Variants in NNT observed in about 807,000 individuals in gnomAD.
NNT encodes NAD(P) transhydrogenase, mitochondrial.
Under a neutral mutation model 104.8 loss-of-function variants are expected in NNT, and 50 were observed. That is an observed-to-expected ratio of 0.48 (90% CI 0.38 to 0.60). The LOEUF is 0.60. Among genes scored for constraint, NNT ranks in the 20% least tolerant of loss-of-function variants. The pLI is 0.00. For missense variants in NNT, 1,131 were observed against 1,330.7 expected (o/e 0.85, Z 2.33); for synonymous variants, 461 against 490.4 (o/e 0.94, Z 0.79).
At chr5:43,650,141 T>A (rs1022297549) in intron 11 of NNT, among the ~76,000 whole-genome samples, 9 of 152,212 alleles carry the variant, frequency 5.9e-5, no homozygotes, top group Non-Finnish European at 1.2e-4. Flanking sequence ...CCATAAGCAA[T>A]GTTGTCTATA....
chr5:43,689,073 T>G (rs1404510389), intron 19 of NNT, among the ~76,000 whole-genome samples: 1 of 152,194 alleles, frequency 6.6e-6, no homozygotes, highest in African/African-American at 2.4e-5. Context: ...TTTGATTATG[T>G]TCATTCTTGC....
At chr5:43,679,845 C>T (rs1485350806) in intron 19 of NNT, among the ~76,000 whole-genome samples, 1 of 151,842 alleles carries the variant, frequency 6.6e-6, no homozygotes, top group Non-Finnish European at 1.5e-5. Context: ...TTCATTGCTT[C>T]ACATAATTAT....
Position 43,628,270 on chromosome 5 carries a change from G to A in NNT, c.847G>A (p.Glu283Lys), listed in dbSNP as rs1321973260. The A allele has an allele frequency of 6.2e-7, 1 of 1,613,888 alleles. No individual in the cohort carries two copies. Among genetic ancestry groups the A allele is most frequent in the Non-Finnish European group, 8.5e-7 (1 of 1,179,966 alleles). The change falls in exon 7 of 22, where the codon GAG becomes AAG. Residue 283 changes from glutamate (E) to lysine (K), a missense_variant. By Grantham distance (56) the Glu-to-Lys change is moderately conservative (BLOSUM62 1). Coordinates refer to ENST00000344920, the MANE Select transcript of NNT (RefSeq NM_182977.3). ...PLEVDLKESGEGQGGYAKEMS... is the reference protein window; with the variant it reads ...PLEVDLKESGKGQGGYAKEMS... ...GGAGGTGGACTTGAAGGAATCTGGT[G>A]AGGGACAAGGAGGATATGCAAAAGA...
At chr5:43,602,880 T>A (rs1297794049), upstream of NNT, 3 of 152,546 alleles carry the variant, frequency 2.0e-5, no homozygotes, top group African/African-American at 7.2e-5. Flanking sequence ...AGCTGCCGCG[T>A]TTGGCACCAG....
At chr5:43,703,110 A>AT (rs1376910530) in intron 21 of NNT, among the ~76,000 whole-genome samples, 1 of 152,256 alleles carries the variant, frequency 6.6e-6, no homozygotes, top group East Asian at 1.9e-4. Context: ...AGATGAGCAT[A>AT]TTTTTTTCAC....
At chr5:43,702,146 G>T (rs1742881121) in intron 20 of NNT, among the ~76,000 whole-genome samples, 1 of 152,004 alleles carries the variant, frequency 6.6e-6, no homozygotes, top group Non-Finnish European at 1.5e-5. Flanking sequence ...TTGCATTGTT[G>T]CATTTGCTTC....
chr5:43,616,476 C>A lies in NNT; in HGVS notation c.599+411C>A, dbSNP rs1749796068. Among the ~76,000 whole-genome samples, 3 of 152,084 alleles carry A rather than the reference C, an allele frequency of 2.0e-5. No homozygotes were observed. The East Asian group carries it at 5.8e-4, about 29-fold the overall frequency. ...TAATATGCATATATTAGTGGATTTG[C>A]TGTCTTAATTAGGTTTTGCTTAGGT... On this transcript the variant is annotated intron_variant, in intron 4 of 21. Transcript: ENST00000344920.
intron 10 of NNT, among the ~76,000 whole-genome samples, chr5:43,646,239 T>A (rs545251576): frequency 1.3e-5 from 2 of 152,312 alleles, no homozygotes; most frequent in African/African-American, 4.8e-5. Flanking sequence ...ATTTTTCCTG[T>A]TATAGAAAGC....
intron 5 of NNT, 115 bp from the exon 6 acceptor site, chr5:43,623,917 C>G: frequency 1.1e-6 from 1 of 926,038 alleles, no homozygotes; most frequent in Non-Finnish European, 1.8e-6. Context: ...TTATCACCAT[C>G]TGCACCGCCA....
At chr5:43,640,591 T>C (rs1256955686) in intron 7 of NNT, among the ~76,000 whole-genome samples, 1 of 152,092 alleles carries the variant, frequency 6.6e-6, no homozygotes, top group Non-Finnish European at 1.5e-5. Context: ...TTTTTGGAGA[T>C]GCTGTAAAGT....
chr5:43,666,117 C>T (rs1740655414), intron 17 of NNT, among the ~76,000 whole-genome samples: 1 of 151,752 alleles, frequency 6.6e-6, no homozygotes, highest in Non-Finnish European at 1.5e-5. Context: ...GACTGGGCGG[C>T]CGGGCAGAGG....
At chr5:43,673,267 G>C (rs575211351) in intron 17 of NNT, among the ~76,000 whole-genome samples, 1 of 152,134 alleles carries the variant, frequency 6.6e-6, no homozygotes, top group Non-Finnish European at 1.5e-5. Flanking sequence ...TTTGGCTCAC[G>C]CTTGGTGGAC....
chr5:43,684,416 C>T (rs558465914), intron 19 of NNT, among the ~76,000 whole-genome samples: 2 of 152,020 alleles, frequency 1.3e-5, no homozygotes, highest in African/African-American at 2.4e-5. Flanking sequence ...TTCATCAGAA[C>T]GGCTGCTTCT....
At chr5:43,644,382 GGGTGTTT>G in intron 8 of NNT, 57 bp downstream of exon 8, 1 of 1,564,914 alleles carries the variant, frequency 6.4e-7, no homozygotes. Flanking sequence ...AGTTATGGGG[GGGTGTTT>G]ATTTCTTTAA....
At chr5:43,670,910 G>C (rs1338770940) in intron 17 of NNT, among the ~76,000 whole-genome samples, 2 of 151,990 alleles carry the variant, frequency 1.3e-5, no homozygotes, top group African/African-American at 4.8e-5. Flanking sequence ...ATTATTGTAT[G>C]GGAGTCTAAG....
chr5:43,628,410 A>G, intron 7 of NNT, 23 bp downstream of exon 7: 1 of 1,522,932 alleles, frequency 6.6e-7, no homozygotes, highest in Non-Finnish European at 8.8e-7. Flanking sequence ...GTAAACGGTT[A>G]TTTTAAAAGC....
At chr5:43,656,303 C>T (rs1416317380) in intron 15 of NNT, among the ~76,000 whole-genome samples, 1 of 151,920 alleles carries the variant, frequency 6.6e-6, no homozygotes, top group Admixed American at 6.6e-5. Flanking sequence ...AATATTACTA[C>T]TAATAAAAAA....
rs1053696810 is a variant in NNT at position 43,653,175 on chromosome 5, C to T, written c.2021C>T (p.Ala674Val). ...GVLKPGPELL[A>V]QMSGAMALGG... ...CTAAAACCGGGCCCAGAATTACTAG[C>T]TCAGATGTCTGGAGCGATGGCTTTG... Residue 674 changes from alanine (A) to valine (V), a missense_variant, in exon 14 of 22, where the codon GCT becomes GTT. By Grantham distance (64) the Ala-to-Val change is moderately conservative. Coordinates refer to ENST00000344920, the MANE Select transcript of NNT (RefSeq NM_182977.3). 14 of 1,613,990 alleles carry T rather than the reference C, an allele frequency of 8.7e-6. No homozygotes were observed. Among genetic ancestry groups the T allele is most frequent in the Non-Finnish European group, 1.2e-5 (14 of 1,180,034 alleles).
In NNT at chr5:43,675,698, C is replaced by T. The variant is rs770820914; in HGVS notation, c.2794+28C>T. ...AAAGAAAAAAAGCAAAAGCAAATAA[C>T]CTATAATAGCTGTTATAATTGATGA... On this transcript the variant is annotated intron_variant, in intron 18 of 21. Transcript: ENST00000344920. The T allele has an allele frequency of 7.3e-6, 11 of 1,509,478 alleles. No individual in the cohort carries two copies. In the East Asian group the frequency reaches 1.9e-4, roughly 27 times the overall value. The allele number at this position is 1,509,478 out of a possible 1,614,324, so 93.5% of individuals were successfully genotyped here.
Sources: gnomAD v4.1 joint callset for allele counts (sites outside exome capture counted in the v4.1 genomes callset) on GRCh38, gnomAD v4.1.1 for gene constraint, MANE v1.5 for transcripts, NCBI Gene and HGNC (gene_info 2026-07-23, HGNC 2026-07-21) for gene names.